KIFAP3: variants seen among roughly 807,000 people sequenced by gnomAD.
The protein encoded by KIFAP3 is kinesin associated protein 3.
A neutral mutation model predicts 106.5 loss-of-function variants in KIFAP3; 68 were observed. The ratio of observed to expected loss-of-function variants is 0.64; its 90% confidence interval spans 0.53 to 0.78. The LOEUF (loss-of-function observed/expected upper bound fraction) is 0.78, where lower values mean the gene tolerates loss of function less well. KIFAP3 is among the 30% of genes least tolerant of loss of function. KIFAP3 has a pLI of 0.00. For missense variants in KIFAP3, 780 were observed against 941.8 expected, an observed-to-expected ratio of 0.83 and a Z score of 2.25; for synonymous variants, 320 against 311.5, an observed-to-expected ratio of 1.03 and a Z score of -0.29.
rs1242839791 is a variant in KIFAP3 at position 170,066,984 on chromosome 1, T to G, written c.32+7452A>C. Reference sequence around the variant, plus strand: ...ATTCCTATATATGATACTCAAAGAATAGTCATCTTCAGAAAAAACTAGATA... The same window carrying G: ...ATTCCTATATATGATACTCAAAGAAGAGTCATCTTCAGAAAAAACTAGATA... On this transcript the variant is annotated intron_variant, in intron 1 of 19. Transcript: ENST00000361580. Among the ~76,000 whole-genome samples the G allele has an allele frequency of 3.9e-5, 6 of 152,234 alleles. No homozygotes were observed. The South Asian group carries it at 1.0e-3, about 26-fold the overall frequency.
chr1:170,083,570 G>A (rs1672052846), intron 1 of KIFAP3, among the ~76,000 whole-genome samples: 1 of 152,150 alleles, frequency 6.6e-6, no homozygotes, highest in African/African-American at 2.4e-5. Context: ...TAGAGTTATT[G>A]TAAAGTTAAA....
At chr1:170,011,557 A>T (rs1319963130) in intron 10 of KIFAP3, among the ~76,000 whole-genome samples, 1 of 151,908 alleles carries the variant, frequency 6.6e-6, no homozygotes, top group Non-Finnish European at 1.5e-5. Context: ...GTATATAAAC[A>T]TATACACATT....
chr1:170,080,007 T>A (rs1293346714), intron 1 of KIFAP3, among the ~76,000 whole-genome samples: 3 of 151,936 alleles, frequency 2.0e-5, no homozygotes, highest in Non-Finnish European at 4.4e-5. Flanking sequence ...ACCATATAGA[T>A]TGGAAAGGAA....
intron 9 of KIFAP3, among the ~76,000 whole-genome samples, chr1:170,021,760 A>G (rs1174859993): frequency 6.6e-6 from 1 of 151,688 alleles, no homozygotes; most frequent in Non-Finnish European, 1.5e-5. Context: ...TTGTATTTCT[A>G]TTGCACAGAA....
chr1:170,078,730 C>G (rs1265814674), upstream of KIFAP3, among the ~76,000 whole-genome samples: 1 of 152,010 alleles, frequency 6.6e-6, no homozygotes, highest in Non-Finnish European at 1.5e-5. Flanking sequence ...TTCTACCAAG[C>G]AAGTAATTAA....
chr1:170,018,590 A>T (rs1477608987), intron 9 of KIFAP3, among the ~76,000 whole-genome samples: 1 of 122,948 alleles, frequency 8.1e-6, no homozygotes, highest in Admixed American at 9.5e-5. Flanking sequence ...TCAAAGGATT[A>T]TTAATCCTTT....
chr1:169,961,967 C>G (rs1665361085), intron 17 of KIFAP3, among the ~76,000 whole-genome samples: 1 of 152,008 alleles, frequency 6.6e-6, no homozygotes, highest in Middle Eastern at 3.2e-3. Flanking sequence ...GGGGATTGGT[C>G]CCCTAATACC....
At chr1:169,968,467 C>T (rs1186253405) in intron 17 of KIFAP3, among the ~76,000 whole-genome samples, 3 of 151,892 alleles carry the variant, frequency 2.0e-5, no homozygotes, top group Non-Finnish European at 4.4e-5. Context: ...TTTAATGTGG[C>T]AGCCCCCTAA....
chr1:169,996,152 T>C (rs903487405), intron 10 of KIFAP3, among the ~76,000 whole-genome samples: 6 of 152,176 alleles, frequency 3.9e-5, no homozygotes, highest in South Asian at 2.1e-4. Flanking sequence ...TCTGCTCTTA[T>C]GTACTTTCTC....
intron 1 of KIFAP3, among the ~76,000 whole-genome samples, chr1:170,082,837 G>A (rs1362427319): frequency 6.6e-6 from 1 of 152,134 alleles, no homozygotes; most frequent in Non-Finnish European, 1.5e-5. Flanking sequence ...GCCAGGTGTG[G>A]TGGGGCATGC....
intron 16 of KIFAP3, among the ~76,000 whole-genome samples, chr1:169,972,836 A>G (rs192273698): frequency 2.6e-4 from 39 of 151,746 alleles, no homozygotes; most frequent in Non-Finnish European, 5.2e-4. Flanking sequence ...TAAGGAAAAC[A>G]AAGTCAGTAA....
chr1:169,966,598 C>T (rs1665645452), intron 17 of KIFAP3, among the ~76,000 whole-genome samples: 1 of 151,206 alleles, frequency 6.6e-6, no homozygotes, highest in Admixed American at 6.6e-5. Flanking sequence ...GTAATATTTT[C>T]ATTGTTGAAA....
upstream of KIFAP3, among the ~76,000 whole-genome samples, chr1:170,078,611 A>G (rs1453386571): frequency 6.6e-6 from 1 of 152,198 alleles, no homozygotes; most frequent in African/African-American, 2.4e-5. Context: ...AGATGGTGAC[A>G]AGAACAAAGA....
At chr1:169,994,194 C>T (rs1667261892) in intron 10 of KIFAP3, among the ~76,000 whole-genome samples, 1 of 152,168 alleles carries the variant, frequency 6.6e-6, no homozygotes, top group African/African-American at 2.4e-5. Flanking sequence ...GAGAAATCTA[C>T]AGTTTAGAGA....
intron 17 of KIFAP3, among the ~76,000 whole-genome samples, chr1:169,963,682 T>C (rs1326462443): frequency 2.0e-5 from 3 of 151,974 alleles, no homozygotes; most frequent in Non-Finnish European, 4.4e-5. Context: ...TTGGTAGAGA[T>C]GGGGTTTCAC....
intron 12 of KIFAP3, 126 bp from the exon 13 acceptor site, chr1:169,983,508 G>T: frequency 1.5e-6 from 1 of 652,468 alleles, no homozygotes; most frequent in South Asian, 1.8e-5. Context: ...GGTACAATTT[G>T]ATTAATTTAG....
At chr1:169,951,706 T>G (rs1234507332) in intron 19 of KIFAP3, among the ~76,000 whole-genome samples, 1 of 151,888 alleles carries the variant, frequency 6.6e-6, no homozygotes, top group Non-Finnish European at 1.5e-5. Context: ...TGTATTTTAG[T>G]GAAAATGTTT....
chr1:170,059,210 T>C (rs914090343), intron 1 of KIFAP3, among the ~76,000 whole-genome samples: 5 of 151,028 alleles, frequency 3.3e-5, no homozygotes, highest in African/African-American at 1.2e-4. Flanking sequence ...AAAAAATCAA[T>C]GAACCCAGGA....
chr1:170,024,347 A>AT (rs1571686313), intron 9 of KIFAP3, 71 bp downstream of exon 9: 3 of 1,013,288 alleles, frequency 3.0e-6, no homozygotes, highest in South Asian at 1.9e-5. Flanking sequence ...AAAGTGTTTA[A>AT]TTTTTTTCAA....
Sources: allele counts gnomAD v4.1 joint callset (sites outside exome capture counted in the v4.1 genomes callset), GRCh38; gene constraint gnomAD v4.1.1; transcripts MANE v1.5; gene names NCBI Gene and HGNC (gene_info 2026-07-23, HGNC 2026-07-21).